NSD3: variants seen among roughly 807,000 people sequenced by gnomAD.
The protein encoded by NSD3 is nuclear receptor binding SET domain protein 3, also known as histone-lysine N-methyltransferase NSD3.
NSD3 carries 24 observed loss-of-function variants against 160.8 expected under a neutral mutation model. That is an observed-to-expected ratio of 0.15 (90% CI 0.11 to 0.21). The LOEUF (loss-of-function observed/expected upper bound fraction) is 0.21. NSD3 is among the 10% of genes least tolerant of loss of function. NSD3 has a pLI of 1.00. For missense variants in NSD3, 1,157 were observed against 1,735.9 expected (o/e 0.67, Z 5.93); for synonymous variants, 520 against 600.0 (o/e 0.87, Z 1.95).
intron 16 of NSD3, among the ~76,000 whole-genome samples, chr8:38,291,564 T>C (rs1356097246): frequency 1.3e-5 from 2 of 152,232 alleles, no homozygotes; most frequent in Admixed American, 6.5e-5. Flanking sequence ...CTTGATAAAG[T>C]GTCACCTGAA....
rs200100394 is a variant in NSD3, at chr8:38,339,139, C to CAA, written c.676-534_676-533dup. 2.9e-3 allele frequency among the ~76,000 whole-genome samples: 285 copies of CAA among 98,352 alleles called. 3 individuals are homozygous for CAA. The highest frequency in any genetic ancestry group is 8.5e-3 in the African/African-American group (214 of 25,264). 64.5% of individuals were successfully genotyped at this position (98,352 alleles called of 152,430 possible). A position where few individuals can be genotyped will look rare whatever the true frequency, so the allele number is the denominator to read the frequency against. On this transcript the variant is annotated intron_variant, in intron 2 of 23. Coordinates refer to ENST00000317025, the MANE Select transcript of NSD3 (RefSeq NM_023034.2). ...TGGGTGACAGAGTGAGACTCTGTCT[C>CAA]AAAAAAAAAAAACAAAAAAAAAACC... is the stretch of plus-strand genomic sequence containing the variant.
At chr8:38,281,445 C>CAAA in intron 20 of NSD3, 22 bp downstream of exon 20, 6 of 983,418 alleles carry the variant, frequency 6.1e-6, no homozygotes, top group South Asian at 2.4e-5. Context: ...CTTTTTCTTA[C>CAAA]AAAAAAAAAA....
Position 38,316,358 on chromosome 8 carries a change from G to A in NSD3, c.1856-316C>T. 1 of 1,096,726 alleles carries A rather than the reference G, an allele frequency of 9.1e-7. No homozygotes were observed. The highest frequency in any genetic ancestry group is 1.1e-6 in the Non-Finnish European group (1 of 894,232). The allele number at this position is 1,096,726 out of a possible 1,614,324, so 67.9% of individuals were successfully genotyped here. A position where few individuals can be genotyped will look rare whatever the true frequency, so the allele number is the denominator to read the frequency against. ...AATTGCAGGATAGCTGATGGATTTG[G>A]AGCAATTCAAAGAACCATTCAATTT... On this transcript the variant is annotated intron_variant, in intron 9 of 23. Transcript: ENST00000317025. The surrounding 1 kb of genome is among the most constrained non-coding windows in gnomAD (Gnocchi z 4.5).
Position 38,321,103 on chromosome 8 carries a change from A to G in NSD3, c.1778T>C (p.Val593Ala). The change falls in exon 8 of 24, where the codon GTT (valine) becomes GCT (alanine). Residue 593 changes from valine to alanine, a missense_variant. Coordinates refer to ENST00000317025, the MANE Select transcript of NSD3 (RefSeq NM_023034.2). The surrounding 1 kb of genome is among the most constrained non-coding windows in gnomAD (Gnocchi z 4.7). ...CTTTTTGATCTTCTTCTTTGGCACAACCTCAGTGGATTTCTCTGATTCAGA... is the reference window on the plus strand; with the variant it reads ...CTTTTTGATCTTCTTCTTTGGCACAGCCTCAGTGGATTTCTCTGATTCAGA... ...TRSESEKSTE[V>A]VPKKKIKKEQ... 6.2e-7 allele frequency: 1 copy of G among 1,613,466 alleles called. No individual in the cohort carries two copies. The highest frequency in any genetic ancestry group is 2.2e-5 in the East Asian group (1 of 44,838).
intron 1 of NSD3, among the ~76,000 whole-genome samples, chr8:38,369,838 AG>A (rs1440969728): frequency 6.6e-6 from 1 of 152,082 alleles, no homozygotes; most frequent in African/African-American, 2.4e-5. Context: ...TCTGTTGCCC[AG>A]GCTGGAGTGC....
At position 38,278,002 on chromosome 8, in the gene NSD3, G is replaced by A. The variant is rs554082104; in HGVS notation, c.3867+304C>T. ...CACCCAGGCTGGAGTGCAGTGGTGC[G>A]ATCTTGGCTCACTGCAAGCTCCGCA... On this transcript the variant is annotated intron_variant, in intron 22 of 23. Transcript: ENST00000317025. Among the ~76,000 whole-genome samples, 13 of 150,728 alleles carry A rather than the reference G, an allele frequency of 8.6e-5. No individual in the cohort carries two copies. The East Asian group carries it at 2.0e-3, about 23-fold the overall frequency.
At chr8:38,328,943 T>C (rs2150375133) in intron 6 of NSD3, among the ~76,000 whole-genome samples, 1 of 152,316 alleles carries the variant, frequency 6.6e-6, no homozygotes, top group East Asian at 1.9e-4. Flanking sequence ...CTAACAAAAT[T>C]GCTGGTGGAA....
intron 12 of NSD3, among the ~76,000 whole-genome samples, chr8:38,310,686 T>A (rs2131015900): frequency 6.6e-6 from 1 of 151,938 alleles, no homozygotes; most frequent in Middle Eastern, 3.4e-3. Flanking sequence ...TTTTTTTTTT[T>A]TTTTTGGTAG....
At chr8:38,309,554 G>T (rs1405344719) in intron 12 of NSD3, among the ~76,000 whole-genome samples, 1 of 152,146 alleles carries the variant, frequency 6.6e-6, no homozygotes. Context: ...TCAGGAGGCT[G>T]GGGTGGGAGG....
intron 12 of NSD3, among the ~76,000 whole-genome samples, chr8:38,312,371 G>A (rs544018012): frequency 6.6e-6 from 1 of 152,220 alleles, no homozygotes; most frequent in African/African-American, 2.4e-5. Context: ...CCTAGCCTCT[G>A]TTGGAAGAAT....
chr8:38,313,188 T>C lies in NSD3; in HGVS notation c.2242+1459A>G, dbSNP rs1174400721. On this transcript the variant is annotated intron_variant, in intron 12 of 23. Transcript: ENST00000317025. ...TAAACAGCTTCCATAGCTTAGTTTA[T>C]GTACATGTGTGTGTGTATTTGTGTG... Among the ~76,000 whole-genome samples the C allele has an allele frequency of 2.0e-5, 3 of 152,202 alleles. No individual in the cohort carries two copies. In the East Asian group the frequency reaches 5.8e-4, roughly 29 times the overall value.
At position 38,314,721 on chromosome 8, in the gene NSD3, T is replaced by C. The variant is rs776435669; in HGVS notation, c.2168A>G (p.Lys723Arg). The change falls in exon 12 of 24, where the codon AAA (lysine) becomes AGA (arginine). Residue 723 changes from lysine (K) to arginine (R), a missense_variant. Physicochemically the swap from Lys to Arg is conservative, Grantham distance 26. Coordinates refer to ENST00000317025, the MANE Select transcript of NSD3 (RefSeq NM_023034.2). ...TCCCAGGCACTCCAGGTGAAAGTGT[T>C]TGCAGCACTCTCCCTCACAAGGAAT... ...SLIPCEGECC[K>R]HFHLECLGLA... is the part of the protein sequence containing the mutation. 2.5e-6 allele frequency: 4 copies of C among 1,614,102 alleles called. No individual in the cohort carries two copies. Among genetic ancestry groups the C allele is most frequent in the Admixed American group, 1.7e-5 (1 of 59,996 alleles).
At position 38,295,892 on chromosome 8, in the gene NSD3, A is replaced by T; in HGVS notation, c.2819T>A (p.Ile940Lys). 2 of 1,614,056 alleles carry T rather than the reference A, an allele frequency of 1.2e-6. No individual in the cohort carries two copies. The highest frequency in any genetic ancestry group is 1.7e-6 in the Non-Finnish European group (2 of 1,179,992). The change falls in exon 16 of 24, where the codon ATA (isoleucine) becomes AAA (lysine). Residue 940 changes from isoleucine to lysine, a missense_variant. Ile to Lys is a moderately radical substitution (Grantham distance 102). Around this residue, in one of 10 missense-constraint regions of NSD3, gnomAD observed 437 missense variants for 576.6 expected, o/e 0.76. Transcript: ENST00000317025. ...ATTCCAGCAGCCTTCTGGCATTTCT[A>T]TGCTTAGGCATTCCGGGTGGAAGGA... ...PASFHPECLS[I>K]EMPEGCWNCN...
intron 2 of NSD3, among the ~76,000 whole-genome samples, chr8:38,343,882 G>C (rs534655387): frequency 2.2e-4 from 34 of 152,268 alleles, no homozygotes; most frequent in Non-Finnish European, 1.2e-4. Flanking sequence ...GGCAAACTAA[G>C]GGTTAATGAG....
chr8:38,289,262 T>A, intron 18 of NSD3, 131 bp downstream of exon 18: 1 of 844,444 alleles, frequency 1.2e-6, no homozygotes, highest in South Asian at 1.8e-5. Context: ...TTTGCACAAG[T>A]CAAAGAGGGT....
intron 2 of NSD3, among the ~76,000 whole-genome samples, chr8:38,340,543 G>A (rs1321981449): frequency 1.3e-5 from 2 of 151,312 alleles, no homozygotes; most frequent in South Asian, 2.1e-4. Flanking sequence ...TTGCCATGTT[G>A]GCCAGGCTGG....
chr8:38,359,171 A>C (rs1005820210), intron 1 of NSD3, among the ~76,000 whole-genome samples: 3 of 152,290 alleles, frequency 2.0e-5, no homozygotes, highest in East Asian at 3.9e-4. Context: ...ATAATTAAAA[A>C]ATTTTTAGTA....
intron 2 of NSD3, among the ~76,000 whole-genome samples, chr8:38,345,064 G>A (rs1379857790): frequency 6.6e-6 from 1 of 152,162 alleles, no homozygotes; most frequent in African/African-American, 2.4e-5. Flanking sequence ...AGCTGTGGGA[G>A]CTCTGGCTTT....
In NSD3 at chr8:38,318,270, TAC is replaced by T. The variant is rs748984711; in HGVS notation, c.1855+623_1855+624del. On this transcript the variant is annotated intron_variant, in intron 9 of 23. Transcript: ENST00000317025. The surrounding 1 kb of genome is among the most constrained non-coding windows in gnomAD (Gnocchi z 5.3). ...CCCAGAGTAAACTACAGGTATTAAATACAGTTTGATCTCACCAAAAACGCACG... is the reference window on the plus strand; with the variant it reads ...CCCAGAGTAAACTACAGGTATTAAATAGTTTGATCTCACCAAAAACGCACG... 2.6e-5 allele frequency among the ~76,000 whole-genome samples: 4 copies of T among 152,178 alleles called. No individual in the cohort carries two copies. Among genetic ancestry groups the T allele is most frequent in the Non-Finnish European group, 2.9e-5 (2 of 68,028 alleles).
Sources: gnomAD v4.1 joint callset for allele counts (sites outside exome capture counted in the v4.1 genomes callset) on GRCh38, gnomAD v4.1.1 for gene constraint, gnomAD v4.1.1 regional missense constraint, Gnocchi (gnomAD v3.1) non-coding constraint, MANE v1.5 for transcripts, NCBI Gene and HGNC (gene_info 2026-07-23, HGNC 2026-07-21) for gene names.